PRKCD: variants seen among roughly 807,000 people sequenced by gnomAD.
The protein encoded by PRKCD is protein kinase C delta type.
In PRKCD, 20 loss-of-function variants were observed where a neutral mutation model predicts 82.2. That is an observed-to-expected ratio of 0.24 (90% CI 0.17 to 0.35). The LOEUF (loss-of-function observed/expected upper bound fraction) is 0.35. Ranked by LOEUF, PRKCD falls within the 10% of genes least tolerant of loss-of-function variation. The pLI, the probability that PRKCD is intolerant of heterozygous loss-of-function variation, is 1.00. For synonymous variants in PRKCD, 317 were observed against 337.0 expected (o/e 0.94, Z 0.65); for missense variants, 607 against 899.0 (o/e 0.68, Z 4.15).
intron 13 of PRKCD, 123 bp downstream of exon 13, chr3:53,186,463 C>CT (rs1559629762): frequency 6.4e-6 from 9 of 1,398,874 alleles, no homozygotes; most frequent in African/African-American, 2.8e-5. Flanking sequence ...GCTTTCCCCC[C>CT]TCATGCCTCC....
At chr3:53,178,760 G>A (rs1553666516) in intron 3 of PRKCD, among the ~76,000 whole-genome samples, 1 of 152,238 alleles carries the variant, frequency 6.6e-6, no homozygotes, top group African/African-American at 2.4e-5. Flanking sequence ...GGAGTTTCTG[G>A]TTCCTCCTCC....
At chr3:53,172,588 C>T (rs981286914) in intron 2 of PRKCD, among the ~76,000 whole-genome samples, 1 of 152,242 alleles carries the variant, frequency 6.6e-6, no homozygotes, top group Admixed American at 6.5e-5. Flanking sequence ...GCAGTTGTGA[C>T]TTCCGTGGCA....
Position 53,187,419 on chromosome 3 carries a change from A to C in PRKCD, c.1415+17A>C. On this transcript the variant is annotated intron_variant, in intron 15 of 18. Coordinates refer to ENST00000330452, the MANE Select transcript of PRKCD (RefSeq NM_006254.4). The stretch of plus-strand genomic sequence containing the variant: ...CATTTACAGGTGCGGGGGTGAGGGC[A>C]GCGGGGGCTCTTGGGAGGGGAGGCT... 1 of 1,612,954 alleles carries C rather than the reference A, an allele frequency of 6.2e-7. No homozygotes were observed. Among genetic ancestry groups the C allele is most frequent in the Non-Finnish European group, 8.5e-7 (1 of 1,179,112 alleles).
Position 53,192,101 on chromosome 3 carries a change from C to T in PRKCD, c.1873-7C>T. 6.2e-7 allele frequency: 1 copy of T among 1,613,596 alleles called. No individual in the cohort carries two copies. Among genetic ancestry groups the T allele is most frequent in the South Asian group, 1.1e-5 (1 of 91,072 alleles). On this transcript the variant is annotated splice_polypyrimidine_tract_variant and splice_region_variant and intron_variant, in intron 18 of 18. Coordinates refer to ENST00000330452, the MANE Select transcript of PRKCD (RefSeq NM_006254.4). Reference sequence around the variant, plus strand: ...CCTGTTCGCTCACCCCTGCCCTCTGCTTGTAGAAGTCACCCAGAGACTACA... The same window carrying T: ...CCTGTTCGCTCACCCCTGCCCTCTGTTTGTAGAAGTCACCCAGAGACTACA...
intron 7 of PRKCD, chr3:53,182,055 C>A: frequency 2.0e-6 from 1 of 495,444 alleles, no homozygotes; most frequent in Non-Finnish European, 3.9e-6. Context: ...AATGATAGGT[C>A]CTTTACTGGC....
intron 1 of PRKCD, among the ~76,000 whole-genome samples, chr3:53,163,935 C>T (rs1702753801): frequency 6.6e-6 from 1 of 152,208 alleles, no homozygotes; most frequent in Admixed American, 6.5e-5. Context: ...TGATTCAGAG[C>T]TGTGACTGCA....
chr3:53,182,846 C>A (rs1041185815), intron 7 of PRKCD, among the ~76,000 whole-genome samples: 1 of 152,200 alleles, frequency 6.6e-6, no homozygotes, highest in Non-Finnish European at 1.5e-5. Context: ...GCCCTGTGCC[C>A]GCTAACTTCT....
At chr3:53,176,831 T>A (rs984739085) in intron 2 of PRKCD, among the ~76,000 whole-genome samples, 1 of 152,206 alleles carries the variant, frequency 6.6e-6, no homozygotes, top group Non-Finnish European at 1.5e-5. Context: ...GGGTTTTTTT[T>A]AATTTTTATT....
At chr3:53,177,934 C>CTTTT (rs1230182481) in intron 2 of PRKCD, among the ~76,000 whole-genome samples, 1 of 109,064 alleles carries the variant, frequency 9.2e-6, no homozygotes, top group Non-Finnish European at 2.1e-5. Flanking sequence ...CAATATTTTT[C>CTTTT]TTTTTCTTTT....
Position 53,188,750 on chromosome 3 carries a change from C to T in PRKCD, c.1446C>T (p.Asp482=). The T allele has an allele frequency of 6.2e-7, 1 of 1,614,204 alleles. No individual in the cohort carries two copies. The change falls in exon 16 of 19, where the codon GAC becomes GAT. Residue 482 remains aspartate, a synonymous_variant. Coordinates refer to ENST00000330452, the MANE Select transcript of PRKCD (RefSeq NM_006254.4). The part of the protein sequence containing the change: ...RDLKLDNVLL[D]RDGHIKIADF... ...TCAAACTGGACAATGTGCTGCTGGA[C>T]CGGGATGGCCACATCAAGATTGCCG...
At position 53,177,596 on chromosome 3, in the gene PRKCD, G is replaced by A. The variant is rs187065202; in HGVS notation, c.-19-808G>A. Among the ~76,000 whole-genome samples, 53 of 152,314 alleles carry A rather than the reference G, an allele frequency of 3.5e-4. 1 individual carries two copies. The highest frequency in any genetic ancestry group is 1.0e-3 in the Admixed American group (16 of 15,308). ...CAAACTTAGAAAATCATGAAGGGCTGCATGGGGCAGGATGGGAGAAAGAGG... is the reference window on the plus strand; with the variant it reads ...CAAACTTAGAAAATCATGAAGGGCTACATGGGGCAGGATGGGAGAAAGAGG... On this transcript the variant is annotated intron_variant, in intron 2 of 18. Transcript: ENST00000330452.
Position 53,186,274 on chromosome 3 carries a change from G to T in PRKCD, c.1194G>T (p.Lys398Asn), listed in dbSNP as rs1553669052. 6.2e-7 allele frequency: 1 copy of T among 1,614,194 alleles called. No homozygotes were observed. The highest frequency in any genetic ancestry group is 1.3e-5 in the African/African-American group (1 of 75,054). Residue 398 changes from lysine (K) to asparagine (N), a missense_variant, in exon 13 of 19, where the codon AAG (lysine) becomes AAT (asparagine). By Grantham distance (94) the Lys-to-Asn change is moderately conservative. Around this residue, in one of 5 missense-constraint regions of PRKCD, gnomAD observed 251 missense variants for 423.9 expected, o/e 0.59. Transcript: ENST00000330452. ...ACGTGGAGTGCACCATGGTTGAGAA[G>T]CGGGTGCTGACACTTGCCGCAGAGA... Reference protein sequence around the residue: ...DDDVECTMVEKRVLTLAAENP... With the variant: ...DDDVECTMVENRVLTLAAENP...
At chr3:53,185,025 A>G (rs1553668689) in intron 10 of PRKCD, 51 bp downstream of exon 10, 2 of 1,523,222 alleles carry the variant, frequency 1.3e-6, no homozygotes, top group Non-Finnish European at 1.8e-6. Context: ...GGTCAGGGAC[A>G]GTCAAGGCTT....
chr3:53,167,058 G>C (rs2107222289), intron 2 of PRKCD, among the ~76,000 whole-genome samples: 1 of 152,372 alleles, frequency 6.6e-6, no homozygotes, highest in African/African-American at 2.4e-5. Context: ...TCTAGGGACT[G>C]AGAGGTTGGC....
chr3:53,170,805 G>A (rs1702995792), intron 2 of PRKCD, among the ~76,000 whole-genome samples: 1 of 152,244 alleles, frequency 6.6e-6, no homozygotes, highest in Non-Finnish European at 1.5e-5. Flanking sequence ...TCTGCCTGGA[G>A]CATCTCTGTG....
In PRKCD at chr3:53,188,976, C is replaced by T. The variant is rs1553670141; in HGVS notation, c.1555-82C>T. On this transcript the variant is annotated intron_variant, in intron 16 of 18. Coordinates refer to ENST00000330452, the MANE Select transcript of PRKCD (RefSeq NM_006254.4). ...AGCCAAAGCCCATAGGCTGAGGCGGCCTGGCTAGGCTTCGTGCCCAGGGGC... is the reference window on the plus strand; with the variant it reads ...AGCCAAAGCCCATAGGCTGAGGCGGTCTGGCTAGGCTTCGTGCCCAGGGGC... 3.2e-6 allele frequency: 5 copies of T among 1,570,874 alleles called. No homozygotes were observed. In the African/African-American group the frequency reaches 4.1e-5, roughly 13 times the overall value.
In PRKCD at chr3:53,189,105, C is replaced by T. The variant is rs79490732; in HGVS notation, c.1602C>T (p.Phe534=). 19 of 1,614,018 alleles carry T rather than the reference C, an allele frequency of 1.2e-5. No homozygotes were observed. Among genetic ancestry groups the T allele is most frequent in the African/African-American group, 5.3e-5 (4 of 74,938 alleles). Residue 534 remains phenylalanine, a synonymous_variant, in exon 17 of 19, where the codon TTC becomes TTT. Coordinates refer to ENST00000330452, the MANE Select transcript of PRKCD (RefSeq NM_006254.4). ...CATTCTCTGTGGACTGGTGGTCTTT[C>T]GGGGTCCTTCTGTACGAGATGCTCA... is the stretch of plus-strand genomic sequence containing the variant. ...KYTFSVDWWS[F]GVLLYEMLIG... is the part of the protein sequence containing the mutation.
intron 16 of PRKCD, 36 bp from the exon 17 acceptor site, chr3:53,189,022 C>A: frequency 6.3e-7 from 1 of 1,590,890 alleles, no homozygotes. Flanking sequence ...CTCAGCACCT[C>A]AGCTCCTGCT....
In PRKCD at chr3:53,178,472, T is replaced by C. The variant is rs1703298150; in HGVS notation, c.50T>C (p.Leu17Pro). 3 of 1,613,140 alleles carry C rather than the reference T, an allele frequency of 1.9e-6. No homozygotes were observed. The highest frequency in any genetic ancestry group is 1.8e-4 in the Middle Eastern group (1 of 5,596). Residue 17 changes from leucine to proline, a missense_variant, in exon 3 of 19, where the codon CTG becomes CCG. Physicochemically the swap from Leu to Pro is moderately conservative, Grantham distance 98 (BLOSUM62 -3). This residue lies in a region of PRKCD where 161 missense variants were observed against 227.0 expected (regional missense o/e 0.71). Transcript: ENST00000330452. The part of the protein sequence containing the change: ...IAFNSYELGS[L>P]QAEDEANQPF... Reference sequence around the variant, plus strand: ...TTCAACTCCTATGAGCTGGGCTCCCTGCAGGCCGAGGACGAGGCGAACCAG... The same window carrying C: ...TTCAACTCCTATGAGCTGGGCTCCCCGCAGGCCGAGGACGAGGCGAACCAG...
Sources: gnomAD v4.1 joint callset for allele counts (sites outside exome capture counted in the v4.1 genomes callset) on GRCh38, gnomAD v4.1.1 for gene constraint, gnomAD v4.1.1 regional missense constraint, MANE v1.5 for transcripts, NCBI Gene and HGNC (gene_info 2026-07-23, HGNC 2026-07-21) for gene names.